GABPB2: variants seen among roughly 807,000 people sequenced by gnomAD.
GABPB2 encodes the protein GA binding protein transcription factor subunit beta 2.
Under a neutral mutation model 39.1 loss-of-function variants are expected in GABPB2, and 23 were observed. That is an observed-to-expected ratio of 0.59 (90% confidence interval 0.42 to 0.83). GABPB2 has a LOEUF of 0.83. Ranked by LOEUF, GABPB2 falls within the 40% of genes least tolerant of loss-of-function variation. GABPB2 has a pLI of 0.00. For missense variants in GABPB2, 467 were observed against 541.1 expected (o/e 0.86, Z 1.36); for synonymous variants, 184 against 199.3 (o/e 0.92, Z 0.65).
rs1020093621 is a variant in GABPB2 at position 151,124,058 on chromosome 1, A to C, written c.*5802A>C. Reference sequence around the variant, plus strand: ...CATCATCATACTGGTGAGAAAAAAAAAAAAAAAAAAGAGGCCGGGCGCGGT... The same window carrying C: ...CATCATCATACTGGTGAGAAAAAAACAAAAAAAAAAGAGGCCGGGCGCGGT... On this transcript the variant is annotated 3_prime_UTR_variant, in exon 9 of 9. Coordinates refer to ENST00000368918, the MANE Select transcript of GABPB2 (RefSeq NM_144618.3). 1 of 146,296 alleles carries C rather than the reference A, an allele frequency of 6.8e-6. No homozygotes were observed. Among genetic ancestry groups the C allele is most frequent in the African/African-American group, 2.5e-5 (1 of 40,282 alleles). The allele number at this position is 146,296 out of a possible 1,614,324, so 9.1% of individuals were successfully genotyped here.
At position 151,100,365 on chromosome 1, in the gene GABPB2, G is replaced by A. The variant is rs587593914; in HGVS notation, c.622+2363G>A. 4.8e-3 allele frequency among the ~76,000 whole-genome samples: 723 copies of A among 149,586 alleles called. 10 individuals carry two copies. Among genetic ancestry groups the A allele is most frequent in the African/African-American group, 0.017 (691 of 40,762 alleles). ...TCACCATGTTGGCCAGGCTGGTCTC[G>A]AACTCCTGAGCTTGTGATCCACTCG... On this transcript the variant is annotated intron_variant, in intron 5 of 8. Transcript: ENST00000368918.
At chr1:151,081,108 C>T (rs1343551132) in intron 1 of GABPB2, among the ~76,000 whole-genome samples, 1 of 150,974 alleles carries the variant, frequency 6.6e-6, no homozygotes, top group Admixed American at 6.6e-5. Flanking sequence ...CTCCTGACTT[C>T]GTCATCCGCC....
intron 2 of GABPB2, among the ~76,000 whole-genome samples, chr1:151,089,907 T>G (rs75694492): frequency 0.037 from 5,579 of 151,930 alleles, 184 homozygotes; most frequent in Middle Eastern, 0.095. Context: ...CTTATTCAAT[T>G]GGTGGTATAT....
chr1:151,081,665 C>T (rs957164083), intron 1 of GABPB2, among the ~76,000 whole-genome samples: 2 of 151,418 alleles, frequency 1.3e-5, no homozygotes, highest in Non-Finnish European at 1.5e-5. Context: ...GATGGTGTCT[C>T]GCTCTGTCAC....
Position 151,107,153 on chromosome 1 carries a change from A to G in GABPB2, c.853A>G (p.Ile285Val). Residue 285 changes from isoleucine to valine, a missense_variant, in exon 7 of 9, where the codon ATC (isoleucine) becomes GTC (valine). Ile to Val is a conservative substitution (Grantham distance 29, BLOSUM62 3). Coordinates refer to ENST00000368918, the MANE Select transcript of GABPB2 (RefSeq NM_144618.3). The stretch of plus-strand genomic sequence containing the variant: ...GACTGATGGAGTCCCTCTGGGTAAT[A>G]TCCAAACTTCAATCCCTACTGGAGG... Reference protein sequence around the residue: ...IVTDGVPLGNIQTSIPTGGIG... With the variant: ...IVTDGVPLGNVQTSIPTGGIG... 6.2e-7 allele frequency: 1 copy of G among 1,613,392 alleles called. No homozygotes were observed. Among genetic ancestry groups the G allele is most frequent in the African/African-American group, 1.3e-5 (1 of 75,010 alleles).
At chr1:151,079,891 TCA>T (rs769040896) in intron 1 of GABPB2, among the ~76,000 whole-genome samples, 2 of 148,042 alleles carry the variant, frequency 1.4e-5, no homozygotes, top group Admixed American at 6.8e-5. Context: ...CAAAACTCTG[TCA>T]CACACACACA....
intron 7 of GABPB2, among the ~76,000 whole-genome samples, chr1:151,113,875 T>G (rs1202085399): frequency 6.6e-6 from 1 of 152,246 alleles, no homozygotes; most frequent in Non-Finnish European, 1.5e-5. Context: ...TACATGATTT[T>G]GAGATTGGCT....
intron 4 of GABPB2, among the ~76,000 whole-genome samples, chr1:151,096,330 G>T (rs747712539): frequency 1.3e-5 from 2 of 151,926 alleles, no homozygotes; most frequent in African/African-American, 2.4e-5. Flanking sequence ...GGAGGCTGAG[G>T]CAGGAACCCT....
chr1:151,079,709 C>T (rs1677490505), intron 1 of GABPB2, among the ~76,000 whole-genome samples: 1 of 150,254 alleles, frequency 6.7e-6, no homozygotes, highest in South Asian at 2.1e-4. Flanking sequence ...AGGGGCTGAC[C>T]AACATGGTGA....
At chr1:151,109,794 C>G (rs1680265976) in intron 7 of GABPB2, among the ~76,000 whole-genome samples, 1 of 151,668 alleles carries the variant, frequency 6.6e-6, no homozygotes, top group East Asian at 1.9e-4. Context: ...CTCAGCCTCC[C>G]AAGTAGCTGG....
chr1:151,108,606 A>G (rs1228571597), intron 7 of GABPB2, among the ~76,000 whole-genome samples: 1 of 151,980 alleles, frequency 6.6e-6, no homozygotes, highest in Non-Finnish European at 1.5e-5. Context: ...GGCTCAAGCT[A>G]TCCTCCCGCC....
intron 6 of GABPB2, among the ~76,000 whole-genome samples, chr1:151,106,787 A>T (rs1680003483): frequency 6.6e-6 from 1 of 152,222 alleles, no homozygotes; most frequent in African/African-American, 2.4e-5. Context: ...TTATACATAG[A>T]ATCCATCTTT....
chr1:151,079,157 T>C (rs1383077197), intron 1 of GABPB2, among the ~76,000 whole-genome samples: 1 of 152,194 alleles, frequency 6.6e-6, no homozygotes, highest in African/African-American at 2.4e-5. Flanking sequence ...GAAATAGGGC[T>C]TTAAAATCAT....
chr1:151,074,728 C>T (rs897247340), intron 1 of GABPB2, among the ~76,000 whole-genome samples: 1 of 152,158 alleles, frequency 6.6e-6, no homozygotes, highest in Non-Finnish European at 1.5e-5. Context: ...AACCAGAGGT[C>T]ACTCTTGTCC....
chr1:151,078,941 G>A (rs1677422556), intron 1 of GABPB2, among the ~76,000 whole-genome samples: 1 of 151,896 alleles, frequency 6.6e-6, no homozygotes, highest in Non-Finnish European at 1.5e-5. Context: ...CAAAGTGCTG[G>A]GATTACAGTC....
intron 1 of GABPB2, among the ~76,000 whole-genome samples, chr1:151,082,951 G>A (rs943962729): frequency 1.3e-5 from 2 of 150,774 alleles, no homozygotes; most frequent in Non-Finnish European, 2.9e-5. Flanking sequence ...ACTCTAGCCT[G>A]GGCAACAGAA....
At chr1:151,110,005 ATTTTTTTTTTTTTTTTTTT>A (rs71577269) in intron 7 of GABPB2, among the ~76,000 whole-genome samples, 88 of 60,766 alleles carry the variant, frequency 1.4e-3, no homozygotes, top group African/African-American at 3.3e-3. Flanking sequence ...TGCCCAGCTA[ATTTTTTTTTTTTTTTTTTT>A]TTTTTTTTTT....
At chr1:151,096,525 G>A (rs1245514604) in intron 4 of GABPB2, among the ~76,000 whole-genome samples, 1 of 152,058 alleles carries the variant, frequency 6.6e-6, no homozygotes, top group Non-Finnish European at 1.5e-5. Flanking sequence ...ATACTGGTTA[G>A]TCCCTTGAAC....
intron 4 of GABPB2, among the ~76,000 whole-genome samples, chr1:151,096,414 CA>C (rs936412187): frequency 6.7e-6 from 1 of 148,400 alleles, no homozygotes; most frequent in Non-Finnish European, 1.5e-5. Context: ...GACTCCGTCT[CA>C]AAAAAAAATA....
Sources: allele counts gnomAD v4.1 joint callset (sites outside exome capture counted in the v4.1 genomes callset), GRCh38; gene constraint gnomAD v4.1.1; transcripts MANE v1.5; gene names NCBI Gene and HGNC (gene_info 2026-07-23, HGNC 2026-07-21).